The following RBMX variants were observed in gnomAD, a reference collection of about 807,000 sequenced individuals.
The protein encoded by RBMX is RNA binding motif protein X-linked, also known as RNA-binding motif protein, X chromosome.
Under a neutral mutation model 29.3 loss-of-function variants are expected in RBMX, and 1 was observed. The observed-to-expected ratio is 0.03, with a 90% CI of 0.01 to 0.16. RBMX has a LOEUF of 0.16. Ranked by LOEUF, RBMX falls within the 10% of genes least tolerant of loss-of-function variation. The pLI is 1.00. For synonymous variants in RBMX, 102 were observed against 102.3 expected (o/e 1.00, Z 0.02); for missense variants, 121 against 333.2 (o/e 0.36, Z 4.96).
intron 3 of RBMX, among the ~76,000 whole-genome samples, chrX:136,878,355 C>T (rs1417087282): frequency 1.8e-5 from 2 of 111,016 alleles, no homozygotes; most frequent in Non-Finnish European, 3.8e-5. Flanking sequence ...TAAAACAAGG[C>T]CAAGTAGGTA....
chrX:136,878,745 C>CA (rs749152530), intron 3 of RBMX, among the ~76,000 whole-genome samples: 8,217 of 36,970 alleles, frequency 0.22, 687 homozygotes, highest in African/African-American at 0.33. Context: ...GGGAGACTAT[C>CA]AAAAAAAAAA....
chrX:136,872,442 A>C (rs1439653257), downstream of RBMX: 1 of 721,999 alleles, frequency 1.4e-6, no homozygotes, highest in Non-Finnish European at 2.1e-6. Context: ...AGAAAAGGCA[A>C]GTTCAGACTT....
At chrX:136,871,811 GTTTTT>G (rs750533072), downstream of RBMX, among the ~76,000 whole-genome samples, 4 of 74,940 alleles carry the variant, frequency 5.3e-5, no homozygotes, top group African/African-American at 9.1e-5. Flanking sequence ...CACGCCCGGT[GTTTTT>G]TTTTTTTTTT....
chrX:136,873,901 A>G lies in RBMX; in HGVS notation c.*241T>C, dbSNP rs1375139068. 2 of 1,016,675 alleles carry G rather than the reference A, an allele frequency of 2.0e-6. No homozygotes were observed. The highest frequency in any genetic ancestry group is 7.8e-5 in the East Asian group (2 of 25,658). The allele number at this position is 1,016,675 out of a possible 1,213,427, so 83.8% of individuals were successfully genotyped here. On this transcript the variant is annotated 3_prime_UTR_variant, in exon 9 of 9. Coordinates refer to ENST00000320676, the MANE Select transcript of RBMX (RefSeq NM_002139.4). The stretch of plus-strand genomic sequence containing the variant: ...CTTTTACTTGGAAAGTTACAACACT[A>G]GTACAAGTCTTAACACATTTAACAT...
At chrX:136,880,362 C>T (rs1369401234) in intron 1 of RBMX, among the ~76,000 whole-genome samples, 3 of 112,518 alleles carry the variant, frequency 2.7e-5, no homozygotes, top group African/African-American at 9.7e-5. Flanking sequence ...GCCTACAAAG[C>T]CCCGACCTCC....
intron 3 of RBMX, 102 bp from the exon 4 acceptor site, chrX:136,878,188 G>A (rs1172129797): frequency 1.4e-6 from 1 of 735,167 alleles, no homozygotes; most frequent in Non-Finnish European, 1.9e-6. Context: ...GCAGTTATGG[G>A]TAAGTGTTGC....
chrX:136,871,015 G>A (rs2077680725), downstream of RBMX, among the ~76,000 whole-genome samples: 1 of 108,096 alleles, frequency 9.3e-6, no homozygotes, highest in East Asian at 2.9e-4. Flanking sequence ...TTGGAAAGCT[G>A]AGGCAGGAAA....
At chrX:136,871,847 G>C (rs2077687394), downstream of RBMX, among the ~76,000 whole-genome samples, 2 of 99,191 alleles carry the variant, frequency 2.0e-5, no homozygotes. Flanking sequence ...TACAGATGAG[G>C]TTTCACCATG....
At chrX:136,879,182 G>A (rs747100689) in intron 2 of RBMX, 59 bp from the exon 3 acceptor site, 67 of 1,206,001 alleles carry the variant, frequency 5.6e-5, no homozygotes, top group Non-Finnish European at 7.1e-5. Flanking sequence ...AATAACCAAA[G>A]TAAATGTGTA....
At chrX:136,870,651 T>A (rs1244246087), downstream of RBMX, among the ~76,000 whole-genome samples, 3 of 105,029 alleles carry the variant, frequency 2.9e-5, no homozygotes, top group African/African-American at 7.0e-5. Flanking sequence ...GCCAACACAG[T>A]GAAACCCTGT....
At chrX:136,871,603 A>G (rs1003075612), downstream of RBMX, among the ~76,000 whole-genome samples, 1 of 110,771 alleles carries the variant, frequency 9.0e-6, no homozygotes, top group Non-Finnish European at 1.9e-5. Flanking sequence ...AGCAAGCACT[A>G]ACTAGTAACA....
In RBMX at chrX:136,875,354, C is replaced by T; in HGVS notation, c.686G>A (p.Arg229His). The T allele has an allele frequency of 8.3e-7, 1 of 1,210,800 alleles. No individual in the cohort carries two copies. Among genetic ancestry groups the T allele is most frequent in the Non-Finnish European group, 1.1e-6 (1 of 895,030 alleles). Residue 229 changes from arginine (R) to histidine (H), a missense_variant, in exon 7 of 9, where the codon CGT (arginine) becomes CAT (histidine). Physicochemically the swap from Arg to His is conservative, Grantham distance 29. Coordinates refer to ENST00000320676, the MANE Select transcript of RBMX (RefSeq NM_002139.4). ...TGGTGGTGCATAATCTCTAGTATCA[C>T]GAGAACTTGGGTAATCTCTGCTTGA... ...SYSSRDYPSSRDTRDYAPPPR... is the reference protein window; with the variant it reads ...SYSSRDYPSSHDTRDYAPPPR...
downstream of RBMX, chrX:136,869,624 T>A (rs2077673536): frequency 9.0e-6 from 1 of 111,686 alleles, no homozygotes; most frequent in Admixed American, 9.5e-5. Context: ...CCTTGTGGTC[T>A]GTGATTAGTA....
chrX:136,878,916 A>G, intron 3 of RBMX, 101 bp downstream of exon 3: 1 of 1,071,796 alleles, frequency 9.3e-7, no homozygotes, highest in Non-Finnish European at 1.3e-6. Context: ...TATACTGAAA[A>G]ACAACGAAAA....
At chrX:136,880,030 T>C (rs1369814695) in intron 1 of RBMX, among the ~76,000 whole-genome samples, 1 of 112,303 alleles carries the variant, frequency 8.9e-6, no homozygotes, top group Non-Finnish European at 1.9e-5. Context: ...CATCGTTTGC[T>C]ATTAAGTAAC....
intron 2 of RBMX, 54 bp from the exon 3 acceptor site, chrX:136,879,177 C>G: frequency 5.8e-6 from 7 of 1,208,641 alleles, no homozygotes; most frequent in Non-Finnish European, 7.8e-6. Flanking sequence ...AATGAAATAA[C>G]CAAAGTAAAT....
At chrX:136,872,587 C>A (rs2077691749), downstream of RBMX, 2 of 369,943 alleles carry the variant, frequency 5.4e-6, no homozygotes, top group Admixed American at 9.6e-5. Context: ...TGGTGCACTG[C>A]CACGTTAAAT....
At chrX:136,877,208 C>T (rs1460490055) in intron 4 of RBMX, among the ~76,000 whole-genome samples, 1 of 106,470 alleles carries the variant, frequency 9.4e-6, no homozygotes, top group Non-Finnish European at 1.9e-5. Flanking sequence ...GGTGCATGCC[C>T]GTAATCCCAG....
intron 3 of RBMX, among the ~76,000 whole-genome samples, 188 bp downstream of exon 3, chrX:136,878,829 A>G (rs771774494): frequency 9.1e-6 from 1 of 110,133 alleles, no homozygotes; most frequent in Non-Finnish European, 1.9e-5. Context: ...ATAACTCACT[A>G]CTAGATTTGG....
Sources: allele counts gnomAD v4.1 joint callset (sites outside exome capture counted in the v4.1 genomes callset), GRCh38; gene constraint gnomAD v4.1.1; transcripts MANE v1.5; gene names NCBI Gene and HGNC (gene_info 2026-07-23, HGNC 2026-07-21).